The following NCAPH2 variants were observed in gnomAD, a reference collection of about 807,000 sequenced individuals.
The protein encoded by NCAPH2 is non-SMC condensin II complex subunit H2, also known as condensin-2 complex subunit H2.
A neutral mutation model predicts 88.6 loss-of-function variants in NCAPH2; 56 were observed. The observed-to-expected ratio is 0.63, with a 90% CI of 0.51 to 0.79. NCAPH2 has a LOEUF of 0.79. Among genes scored for constraint, NCAPH2 ranks in the 30% least tolerant of loss-of-function variants. The pLI is 0.00. For synonymous variants in NCAPH2, 378 were observed against 313.6 expected (o/e 1.21, Z -2.17); for missense variants, 794 against 792.0 (o/e 1.00, Z -0.03).
chr22:50,508,284 G>A lies in NCAPH2; in HGVS notation c.-54G>A. 1.5e-6 allele frequency: 2 copies of A among 1,328,084 alleles called. No individual in the cohort carries two copies. Among genetic ancestry groups the A allele is most frequent in the South Asian group, 1.4e-5 (1 of 69,550 alleles). 82.3% of individuals were successfully genotyped at this position (1,328,084 alleles called of 1,614,324 possible). A position where few individuals can be genotyped will look rare whatever the true frequency, so the allele number is the denominator to read the frequency against. The stretch of plus-strand genomic sequence containing the variant: ...GAACTAGTGGCGGGCTGAGGACGCC[G>A]TACCCCTCGGAAGGCAGCCCTGCGG... On this transcript the variant is annotated 5_prime_UTR_variant, in exon 1 of 20. Coordinates refer to ENST00000420993, the MANE Select transcript of NCAPH2 (RefSeq NM_152299.4).
chr22:50,512,114 T>C (rs1447695607), intron 1 of NCAPH2, among the ~76,000 whole-genome samples: 1 of 152,220 alleles, frequency 6.6e-6, no homozygotes, highest in Non-Finnish European at 1.5e-5. Flanking sequence ...CATTTACCTG[T>C]TTGTGGCCTG....
In NCAPH2 at chr22:50,522,686, C is replaced by T; in HGVS notation, c.1391C>T (p.Ser464Phe). 6.2e-7 allele frequency: 1 copy of T among 1,613,678 alleles called. No homozygotes were observed. The highest frequency in any genetic ancestry group is 8.5e-7 in the Non-Finnish European group (1 of 1,180,008). Reference protein sequence around the residue: ...EAADLDAVPMSLSYEELVRRN... With the variant: ...EAADLDAVPMFLSYEELVRRN... ...CCCTTCCCAGACGCAGTGCCGATGTCCCTGAGCTACGAGGAGCTGGTTCGA... is the reference window on the plus strand; with the variant it reads ...CCCTTCCCAGACGCAGTGCCGATGTTCCTGAGCTACGAGGAGCTGGTTCGA... The change falls in exon 17 of 20, where the codon TCC becomes TTC. Residue 464 changes from serine (S) to phenylalanine (F), a missense_variant. Physicochemically the swap from Ser to Phe is radical, Grantham distance 155. Around this residue, in one of 2 missense-constraint regions of NCAPH2, gnomAD observed 735 missense variants for 696.3 expected, o/e 1.06. Coordinates refer to ENST00000420993, the MANE Select transcript of NCAPH2 (RefSeq NM_152299.4).
rs144020470 is a variant in NCAPH2, at chr22:50,518,731, A to G, written c.729A>G (p.Pro243=). The G allele has an allele frequency of 2.2e-4, 352 of 1,602,516 alleles. No individual in the cohort carries two copies. Among genetic ancestry groups the G allele is most frequent in the Non-Finnish European group, 2.9e-4 (340 of 1,175,692 alleles). The change falls in exon 8 of 20, where the codon CCA becomes CCG. Residue 243 remains proline, a splice_region_variant and synonymous_variant. Transcript: ENST00000420993. ...CAGCACTCGGCTTCTCCCAGGAGCC[A>G]GGTGAGAAGAGAGCTCCCCGGTGGG... ...PVPALGFSQE[P]GPSPEGPMPL... is the part of the protein sequence containing the mutation.
chr22:50,524,725 G>A lies in NCAPH2; in HGVS notation c.*1350G>A, dbSNP rs147335141. On this transcript the variant is annotated 3_prime_UTR_variant, in exon 20 of 20. Transcript: ENST00000420993. ...CTGACGGAAAGCATTCCAAGTGCAT[G>A]CCTTGCCTGAACTAACCACGTTATC... The A allele has an allele frequency of 6.1e-4, 364 of 597,042 alleles. 3 individuals are homozygous for A. Among genetic ancestry groups the A allele is most frequent in the African/African-American group, 5.7e-3 (309 of 54,676 alleles). The allele number at this position is 597,042 out of a possible 1,614,324, so 37.0% of individuals were successfully genotyped here. A position where few individuals can be genotyped will look rare whatever the true frequency, so the allele number is the denominator to read the frequency against.
At chr22:50,517,302 G>A in intron 2 of NCAPH2, 125 bp from the exon 3 acceptor site, 1 of 947,364 alleles carries the variant, frequency 1.1e-6, no homozygotes, top group Non-Finnish European at 1.7e-6. Flanking sequence ...CAAAATTGGT[G>A]GTTTCTTGTA....
intron 1 of NCAPH2, among the ~76,000 whole-genome samples, chr22:50,512,225 G>A (rs956314220): frequency 6.6e-6 from 1 of 152,254 alleles, no homozygotes; most frequent in Non-Finnish European, 1.5e-5. Flanking sequence ...GGACGTTAAA[G>A]TGTTTGTTAA....
intron 1 of NCAPH2, among the ~76,000 whole-genome samples, chr22:50,508,930 C>T (rs534645024): frequency 2.6e-5 from 4 of 152,180 alleles, no homozygotes; most frequent in Non-Finnish European, 5.9e-5. Flanking sequence ...GTTAAGCTGT[C>T]TGCTCCATAT....
Position 50,508,241 on chromosome 22 carries a change from A to T in NCAPH2, c.-97A>T. 2 of 934,462 alleles carry T rather than the reference A, an allele frequency of 2.1e-6. No individual in the cohort carries two copies. Among genetic ancestry groups the T allele is most frequent in the Non-Finnish European group, 3.1e-6 (2 of 650,140 alleles). 57.9% of individuals were successfully genotyped at this position (934,462 alleles called of 1,614,324 possible). ...GCGCCTACGCATTTTCCTGGGCGGG[A>T]ACAGCAAAATGGCGCCAGAACTAGT... On this transcript the variant is annotated 5_prime_UTR_variant, in exon 1 of 20. Coordinates refer to ENST00000420993, the MANE Select transcript of NCAPH2 (RefSeq NM_152299.4).
At chr22:50,517,394 T>C (rs368713408) in intron 2 of NCAPH2, 33 bp from the exon 3 acceptor site, 13 of 1,612,680 alleles carry the variant, frequency 8.1e-6, no homozygotes, top group African/African-American at 1.3e-5. Context: ...GCCCCTCCTT[T>C]CTGGGTCCTC....
chr22:50,519,050 A>G, intron 8 of NCAPH2, 140 bp from the exon 9 acceptor site: 1 of 779,422 alleles, frequency 1.3e-6, no homozygotes, highest in South Asian at 1.9e-5. Context: ...CAGGAGCACG[A>G]CGAGGATGGT....
chr22:50,508,430 C>A lies in NCAPH2; in HGVS notation c.93C>A (p.Gly31=), dbSNP rs1289470572. The change falls in exon 1 of 20, where the codon GGC becomes GGA. Residue 31 remains glycine, a synonymous_variant. Coordinates refer to ENST00000420993, the MANE Select transcript of NCAPH2 (RefSeq NM_152299.4). ...NWEVDVAAQL[G]EYLEELDQIC... is the part of the protein sequence containing the mutation. ...AGGTGGACGTGGCGGCCCAGCTGGG[C>A]GAGTATCTGGAGGAGGTAAGGGCGG... 14 of 1,305,794 alleles carry A rather than the reference C, an allele frequency of 1.1e-5. No individual in the cohort carries two copies. In the South Asian group the frequency reaches 1.7e-4, roughly 15 times the overall value. 80.9% of individuals were successfully genotyped at this position (1,305,794 alleles called of 1,614,324 possible). A position where few individuals can be genotyped will look rare whatever the true frequency, so the allele number is the denominator to read the frequency against.
chr22:50,517,345 G>A (rs1347957851), intron 2 of NCAPH2, 82 bp from the exon 3 acceptor site: 2 of 1,454,356 alleles, frequency 1.4e-6, no homozygotes, highest in Non-Finnish European at 1.9e-6. Context: ...CAGGCCTCGT[G>A]GGGGCACCGA....
chr22:50,510,801 C>G (rs548223694), intron 1 of NCAPH2, among the ~76,000 whole-genome samples: 71 of 152,176 alleles, frequency 4.7e-4, no homozygotes, highest in Non-Finnish European at 4.0e-4. Context: ...ATAGTCCTCT[C>G]CATCTCAGCA....
In NCAPH2 at chr22:50,522,586, C is replaced by G. The variant is rs771021203; in HGVS notation, c.1375+17C>G. On this transcript the variant is annotated intron_variant, in intron 16 of 19. Coordinates refer to ENST00000420993, the MANE Select transcript of NCAPH2 (RefSeq NM_152299.4). The stretch of plus-strand genomic sequence containing the variant: ...CTGACCTTGGTAGGTGGGCAGCGGG[C>G]TAGGAGTGCTGAGGGGCCACTGGAG... The G allele has an allele frequency of 1.5e-5, 25 of 1,613,502 alleles. No individual in the cohort carries two copies. The highest frequency in any genetic ancestry group is 3.3e-4 in the Middle Eastern group (2 of 6,058).
At chr22:50,509,451 G>A (rs957317203) in intron 1 of NCAPH2, among the ~76,000 whole-genome samples, 3 of 152,126 alleles carry the variant, frequency 2.0e-5, no homozygotes, top group African/African-American at 4.8e-5. Context: ...AAAAGCAAAA[G>A]CTAAATGTGG....
chr22:50,521,159 C>T, intron 10 of NCAPH2, 123 bp downstream of exon 10: 5 of 1,145,780 alleles, frequency 4.4e-6, no homozygotes, highest in Non-Finnish European at 3.7e-6. Context: ...GCCCTTTGCA[C>T]TTGCTCTCTT....
At position 50,521,806 on chromosome 22, in the gene NCAPH2, G is replaced by A. The variant is rs142797829; in HGVS notation, c.1066G>A (p.Ala356Thr). ...GGGACAGAAGCGCAAGAGGAAGGGC[G>A]CTGCCAAGCTGCAGGACTTCCACCA... Reference protein sequence around the residue: ...ALGQKRKRKGAAKLQDFHQWY... With the variant: ...ALGQKRKRKGTAKLQDFHQWY... The change falls in exon 12 of 20, where the codon GCT becomes ACT. Residue 356 changes from alanine (A) to threonine (T), a missense_variant. Physicochemically the swap from Ala to Thr is moderately conservative, Grantham distance 58. Coordinates refer to ENST00000420993, the MANE Select transcript of NCAPH2 (RefSeq NM_152299.4). The A allele has an allele frequency of 2.7e-4, 435 of 1,613,922 alleles. 2 individuals carry two copies. In the East Asian group the frequency reaches 8.3e-3, roughly 31 times the overall value.
intron 1 of NCAPH2, among the ~76,000 whole-genome samples, chr22:50,514,555 G>C (rs2068865861): frequency 6.6e-6 from 1 of 152,192 alleles, no homozygotes; most frequent in South Asian, 2.1e-4. Context: ...GAGGTGAGAA[G>C]ACAAGTGAAG....
At position 50,519,200 on chromosome 22, in the gene NCAPH2, A is replaced by G; in HGVS notation, c.741A>G (p.Pro247=). ...TTGCTCCCTGCCTAGGCCCCTCTCC[A>G]GAAGGCCCGATGCCCCTGGGTGGGG... The part of the protein sequence containing the change: ...LGFSQEPGPS[P]EGPMPLGGGE... Residue 247 remains proline (P), a synonymous_variant, in exon 9 of 20, where the codon CCA becomes CCG. Coordinates refer to ENST00000420993, the MANE Select transcript of NCAPH2 (RefSeq NM_152299.4). 6.2e-7 allele frequency: 1 copy of G among 1,609,580 alleles called. No homozygotes were observed. Among genetic ancestry groups the G allele is most frequent in the Non-Finnish European group, 8.5e-7 (1 of 1,178,662 alleles).
Sources: allele counts gnomAD v4.1 joint callset (sites outside exome capture counted in the v4.1 genomes callset), GRCh38; gene constraint gnomAD v4.1.1; regional missense constraint gnomAD v4.1.1; transcripts MANE v1.5; gene names NCBI Gene and HGNC (gene_info 2026-07-23, HGNC 2026-07-21).